Variants in FOXP2 observed in about 807,000 individuals in gnomAD.
FOXP2 encodes forkhead box P2.
In FOXP2, 12 loss-of-function variants were observed where a neutral mutation model predicts 115.8. That is an observed-to-expected ratio of 0.10 (90% confidence interval 0.07 to 0.17). FOXP2 has a LOEUF of 0.17. Ranked by LOEUF, FOXP2 falls within the 10% of genes least tolerant of loss-of-function variation. The probability of loss-of-function intolerance (pLI) is 1.00; values close to 1 mark genes in which losing one functional copy is unlikely to be tolerated. For synonymous variants in FOXP2, 328 were observed against 297.7 expected (o/e 1.10, Z -1.05); for missense variants, 629 against 843.5 (o/e 0.75, Z 3.15).
chr7:114,126,462 A>T (rs1040040427), intron 1 of FOXP2, among the ~76,000 whole-genome samples: 6 of 152,106 alleles, frequency 3.9e-5, no homozygotes, highest in African/African-American at 1.4e-4. Context: ...CTCCTCCTTT[A>T]ATTTATGCTA....
Position 114,659,592 on chromosome 7 carries a change from C to T in FOXP2, c.1566C>T (p.Asp522=), listed in dbSNP as rs1487691101. 1.2e-6 allele frequency: 2 copies of T among 1,613,590 alleles called. No homozygotes were observed. The highest frequency in any genetic ancestry group is 1.3e-5 in the African/African-American group (1 of 74,992). Reference sequence around the variant, plus strand: ...TTCAGGCTATCATGGAGTCATCTGACAGGCAGTTAACACTTAATGAAATTT... The same window carrying T: ...TTCAGGCTATCATGGAGTCATCTGATAGGCAGTTAACACTTAATGAAATTT... ...LIRQAIMESS[D]RQLTLNEIYS... The change falls in exon 13 of 17, where the codon GAC becomes GAT. Residue 522 remains aspartate (D), a synonymous_variant. Transcript: ENST00000350908.
At chr7:114,370,579 G>C (rs554959138) in intron 2 of FOXP2, among the ~76,000 whole-genome samples, 54 of 152,306 alleles carry the variant, frequency 3.5e-4, no homozygotes, top group Middle Eastern at 3.4e-3. Flanking sequence ...TGTAAAGCAA[G>C]AGAACATGGA....
At chr7:114,309,357 G>A (rs1797089191) in intron 2 of FOXP2, among the ~76,000 whole-genome samples, 1 of 152,160 alleles carries the variant, frequency 6.6e-6, no homozygotes, top group Non-Finnish European at 1.5e-5. Flanking sequence ...GTGGCTTCCT[G>A]TACCGCTATA....
chr7:114,593,268 A>G lies in FOXP2; in HGVS notation c.259-35272A>G, dbSNP rs989539740. On this transcript the variant is annotated intron_variant, in intron 3 of 16. Transcript: ENST00000350908. ...AAAAAAAATCACTCTATTCCACCACATAGTTTTAATATAGCCCAGAAAAAA... is the reference window on the plus strand; with the variant it reads ...AAAAAAAATCACTCTATTCCACCACGTAGTTTTAATATAGCCCAGAAAAAA... 2.0e-5 allele frequency among the ~76,000 whole-genome samples: 3 copies of G among 152,008 alleles called. No homozygotes were observed. The South Asian group carries it at 6.2e-4, about 31-fold the overall frequency.
intron 2 of FOXP2, among the ~76,000 whole-genome samples, chr7:114,520,963 G>A (rs1045864454): frequency 6.6e-6 from 1 of 151,976 alleles, no homozygotes; most frequent in Non-Finnish European, 1.5e-5. Context: ...GAAGTTCATT[G>A]CAATATTATT....
At chr7:114,447,327 C>A (rs1049448178) in intron 2 of FOXP2, among the ~76,000 whole-genome samples, 1 of 152,014 alleles carries the variant, frequency 6.6e-6, no homozygotes, top group Non-Finnish European at 1.5e-5. Context: ...TTGGGCATGT[C>A]ATGTCCCTAT....
intron 2 of FOXP2, among the ~76,000 whole-genome samples, chr7:114,452,140 A>G (rs1795102115): frequency 6.6e-6 from 1 of 151,754 alleles, no homozygotes; most frequent in Non-Finnish European, 1.5e-5. Context: ...AGGTCAAATC[A>G]TTTTTCTTTC....
At chr7:114,386,867 A>G (rs1413572653) in intron 2 of FOXP2, among the ~76,000 whole-genome samples, 1 of 152,164 alleles carries the variant, frequency 6.6e-6, no homozygotes, top group Non-Finnish European at 1.5e-5. Flanking sequence ...ACTGTTGAAA[A>G]CTTTCAGAAA....
intron 1 of FOXP2, among the ~76,000 whole-genome samples, chr7:114,278,911 A>G (rs555725848): frequency 1.3e-5 from 2 of 152,082 alleles, no homozygotes; most frequent in Non-Finnish European, 2.9e-5. Flanking sequence ...TTTTTTTTAA[A>G]GCACTGCTCA....
At chr7:114,472,233 A>C (rs1796081360) in intron 2 of FOXP2, among the ~76,000 whole-genome samples, 1 of 152,182 alleles carries the variant, frequency 6.6e-6, no homozygotes, top group South Asian at 2.1e-4. Flanking sequence ...AGAACTTGAC[A>C]AGAGAATTCT....
intron 2 of FOXP2, among the ~76,000 whole-genome samples, chr7:114,364,438 G>A (rs922778658): frequency 2.0e-5 from 3 of 152,096 alleles, no homozygotes; most frequent in Non-Finnish European, 2.9e-5. Context: ...GTGCAAATTC[G>A]TCACCATAGC....
At chr7:114,394,411 A>G (rs1415047853) in intron 2 of FOXP2, among the ~76,000 whole-genome samples, 1 of 151,980 alleles carries the variant, frequency 6.6e-6, no homozygotes. Flanking sequence ...ACACACACAC[A>G]CACACACACA....
intron 3 of FOXP2, among the ~76,000 whole-genome samples, chr7:114,555,841 GGGA>G (rs1800429272): frequency 6.6e-6 from 1 of 151,858 alleles, no homozygotes. Context: ...AGAAAAGGAA[GGGA>G]TGAAAGTTAC....
chr7:114,385,842 G>A (rs371990169), intron 2 of FOXP2, among the ~76,000 whole-genome samples: 159 of 152,198 alleles, frequency 1.0e-3, no homozygotes, highest in African/African-American at 3.6e-3. Flanking sequence ...AGATGGTGGC[G>A]GGCCGCTTCC....
chr7:114,436,922 A>T (rs1174548752), intron 2 of FOXP2, among the ~76,000 whole-genome samples: 1 of 152,202 alleles, frequency 6.6e-6, no homozygotes, highest in Non-Finnish European at 1.5e-5. Flanking sequence ...ATGAGAAAAT[A>T]CACATTAATT....
At chr7:114,630,728 A>G (rs1019264931) in intron 5 of FOXP2, 11 of 153,520 alleles carry the variant, frequency 7.2e-5, no homozygotes, top group Admixed American at 3.9e-4. Context: ...GACAGCCATC[A>G]ACTACAGAAT....
At chr7:114,136,301 T>G (rs1049431497) in intron 1 of FOXP2, among the ~76,000 whole-genome samples, 4 of 152,090 alleles carry the variant, frequency 2.6e-5, no homozygotes, top group African/African-American at 9.6e-5. Flanking sequence ...TATATCAACC[T>G]TGGTTTACCC....
At chr7:114,347,634 A>G (rs1791379129) in intron 2 of FOXP2, among the ~76,000 whole-genome samples, 1 of 152,076 alleles carries the variant, frequency 6.6e-6, no homozygotes, top group Non-Finnish European at 1.5e-5. Context: ...ATAGATGAGT[A>G]TTTTATACCT....
intron 1 of FOXP2, among the ~76,000 whole-genome samples, chr7:114,203,141 C>T (rs1250120002): frequency 6.6e-6 from 1 of 152,186 alleles, no homozygotes; most frequent in East Asian, 1.9e-4. Flanking sequence ...ATTGTGTGGT[C>T]ATGGAAGTTT....
Sources: allele counts gnomAD v4.1 joint callset (sites outside exome capture counted in the v4.1 genomes callset), GRCh38; gene constraint gnomAD v4.1.1; transcripts MANE v1.5; gene names NCBI Gene and HGNC (gene_info 2026-07-23, HGNC 2026-07-21).